Variants in GRM5 observed in about 807,000 individuals in gnomAD.
GRM5 encodes the protein glutamate metabotropic receptor 5, also known as metabotropic glutamate receptor 5.
Under a neutral mutation model 83.1 loss-of-function variants are expected in GRM5, and 19 were observed. The ratio of observed to expected loss-of-function variants is 0.23; its 90% CI spans 0.16 to 0.34. The LOEUF (loss-of-function observed/expected upper bound fraction) is 0.34. Ranked by LOEUF, GRM5 falls within the 10% of genes least tolerant of loss-of-function variation. The pLI is 1.00. For synonymous variants in GRM5, 675 were observed against 633.6 expected (o/e 1.07, Z -0.98); for missense variants, 1,160 against 1,588.3 (o/e 0.73, Z 4.58).
chr11:88,663,028 C>A (rs77145000), intron 3 of GRM5, among the ~76,000 whole-genome samples: 1 of 152,130 alleles, frequency 6.6e-6, no homozygotes, highest in African/African-American at 2.4e-5. Flanking sequence ...CTTTAAGCTT[C>A]TAATTTTGTT....
In GRM5 at chr11:88,702,900, G is replaced by A. The variant is rs955153096; in HGVS notation, c.912-49497C>T. Among the ~76,000 whole-genome samples the A allele has an allele frequency of 1.4e-4, 22 of 152,174 alleles. No individual in the cohort carries two copies. In the East Asian group the frequency reaches 3.3e-3, roughly 23 times the overall value. On this transcript the variant is annotated intron_variant, in intron 3 of 9. Coordinates refer to ENST00000305447, the MANE Select transcript of GRM5 (RefSeq NM_001143831.3). ...AGAGGCCTCAGAGGAAACTAACCCT[G>A]CTAACCAACTTGATCATAGACTTCT...
intron 2 of GRM5, among the ~76,000 whole-genome samples, chr11:89,024,526 A>C (rs762888593): frequency 6.6e-6 from 1 of 152,358 alleles, no homozygotes; most frequent in Middle Eastern, 3.4e-3. Flanking sequence ...TTTTCAATTG[A>C]GGTAGAGTTT....
chr11:88,769,297 G>A (rs1942682790), intron 3 of GRM5, among the ~76,000 whole-genome samples: 2 of 151,944 alleles, frequency 1.3e-5, no homozygotes, highest in African/African-American at 2.4e-5. Context: ...ACTTAATATA[G>A]ATATAGATCG....
chr11:88,938,271 T>A (rs1021654642), intron 2 of GRM5, among the ~76,000 whole-genome samples: 1 of 151,704 alleles, frequency 6.6e-6, no homozygotes, highest in African/African-American at 2.4e-5. Context: ...CCTTATCACA[T>A]TTTACTCCTC....
At chr11:88,593,645 T>C (rs1315111699) in intron 6 of GRM5, among the ~76,000 whole-genome samples, 1 of 146,518 alleles carries the variant, frequency 6.8e-6, no homozygotes, top group Non-Finnish European at 1.5e-5. Flanking sequence ...GCCACTGCAC[T>C]CCAGCCTGGA....
chr11:89,042,546 C>T (rs187844233), intron 2 of GRM5, among the ~76,000 whole-genome samples: 2 of 152,144 alleles, frequency 1.3e-5, no homozygotes, highest in African/African-American at 4.8e-5. Context: ...TTTATTATTA[C>T]CATGATCATC....
In GRM5 at chr11:88,567,256, A is replaced by G; in HGVS notation, c.2427T>C (p.Ser809=). The change falls in exon 8 of 10, where the codon AGT becomes AGC. Residue 809 remains serine, a synonymous_variant. Transcript: ENST00000305447. This position sits in a 1 kb window ranked among gnomAD's most constrained non-coding sequence, Gnocchi z 7.3. ...IITMCFSVSL[S]ATVALGCMFV... is the part of the protein sequence containing the mutation. ...ACATGCAGCCTAGGGCCACTGTGGC[A>G]CTGAGGCTGACCGAGAAACACATGG... 1 of 1,613,986 alleles carries G rather than the reference A, an allele frequency of 6.2e-7. No individual in the cohort carries two copies. Among genetic ancestry groups the G allele is most frequent in the South Asian group, 1.1e-5 (1 of 91,074 alleles).
chr11:88,880,976 C>T (rs1401001043), intron 2 of GRM5, among the ~76,000 whole-genome samples: 1 of 152,068 alleles, frequency 6.6e-6, no homozygotes, highest in Non-Finnish European at 1.5e-5. Flanking sequence ...GGACACAACA[C>T]TGACCCTAAA....
In GRM5 at chr11:88,508,813, C is replaced by T. The variant is rs760255529; in HGVS notation, c.3418G>A (p.Ala1140Thr). The T allele has an allele frequency of 6.5e-5, 99 of 1,525,250 alleles. 2 individuals carry two copies. In the Middle Eastern group the frequency reaches 8.6e-4, roughly 13 times the overall value. 94.5% of individuals were successfully genotyped at this position (1,525,250 alleles called of 1,614,324 possible). ...AAGAQAAGDA[A>T]RESPAAGPEA... Reference sequence around the variant, plus strand: ...GGACCGGCCGCGGGGCTCTCCCGGGCCGCGTCCCCAGCCGCCTGCGCCCCT... The same window carrying T: ...GGACCGGCCGCGGGGCTCTCCCGGGTCGCGTCCCCAGCCGCCTGCGCCCCT... The change falls in exon 10 of 10, where the codon GCC becomes ACC. Residue 1140 changes from alanine to threonine, a missense_variant. Transcript: ENST00000305447. The surrounding 1 kb of genome is among the most constrained non-coding windows in gnomAD (Gnocchi z 4.2).
chr11:88,690,487 T>TA (rs149147155), intron 3 of GRM5, among the ~76,000 whole-genome samples: 2,597 of 151,586 alleles, frequency 0.017, 72 homozygotes, highest in African/African-American at 0.059. Context: ...CTTTATTTTT[T>TA]AAAAAAAAAT....
Position 88,681,297 on chromosome 11 carries a change from C to T in GRM5, c.912-27894G>A, listed in dbSNP as rs1940479520. The stretch of plus-strand genomic sequence containing the variant: ...TGGAGCACATTTTATACTTCCATTC[C>T]TTTATTAATTCCTTGCCTTCTGAAA... On this transcript the variant is annotated intron_variant, in intron 3 of 9. Transcript: ENST00000305447. 2.0e-5 allele frequency among the ~76,000 whole-genome samples: 3 copies of T among 151,962 alleles called. No individual in the cohort carries two copies. The South Asian group carries it at 6.2e-4, about 32-fold the overall frequency.
rs565923939 is a variant in GRM5, at chr11:88,902,050, C to T, written c.662-51895G>A. Among the ~76,000 whole-genome samples the T allele has an allele frequency of 8.5e-5, 13 of 152,220 alleles. No homozygotes were observed. In the East Asian group the frequency reaches 9.7e-4, roughly 11 times the overall value. On this transcript the variant is annotated intron_variant, in intron 2 of 9. Coordinates refer to ENST00000305447, the MANE Select transcript of GRM5 (RefSeq NM_001143831.3). ...TTCTCTTTATTCTTTATGGTTTAGACGATCCCCTGAGAAGGTCCCAAAATG... is the reference window on the plus strand; with the variant it reads ...TTCTCTTTATTCTTTATGGTTTAGATGATCCCCTGAGAAGGTCCCAAAATG...
At chr11:88,756,196 T>C (rs909525827) in intron 3 of GRM5, among the ~76,000 whole-genome samples, 4 of 152,114 alleles carry the variant, frequency 2.6e-5, no homozygotes, top group South Asian at 2.1e-4. Context: ...TTCAATAAAA[T>C]TGCCATTTAG....
At chr11:88,661,117 T>A (rs1225209634) in intron 3 of GRM5, among the ~76,000 whole-genome samples, 1 of 152,210 alleles carries the variant, frequency 6.6e-6, no homozygotes, top group African/African-American at 2.4e-5. Flanking sequence ...TAAAGATAGC[T>A]ACATTTATTT....
intron 3 of GRM5, among the ~76,000 whole-genome samples, chr11:88,700,220 G>C (rs1334427058): frequency 3.9e-5 from 6 of 152,122 alleles, no homozygotes. Context: ...GGAGTGGCCA[G>C]GGTATGAAGA....
chr11:88,699,256 C>CCTAA (rs1345540506), intron 3 of GRM5, among the ~76,000 whole-genome samples: 1 of 152,126 alleles, frequency 6.6e-6, no homozygotes, highest in African/African-American at 2.4e-5. Flanking sequence ...AGGCTTTGAA[C>CCTAA]CTAACTTTTC....
intron 2 of GRM5, among the ~76,000 whole-genome samples, chr11:88,935,179 C>A (rs186767682): frequency 8.8e-4 from 133 of 152,000 alleles, no homozygotes; most frequent in African/African-American, 3.0e-3. Context: ...GATTTTTAGA[C>A]CCTGATTTTA....
At chr11:88,912,252 A>G (rs1945512830) in intron 2 of GRM5, among the ~76,000 whole-genome samples, 1 of 151,944 alleles carries the variant, frequency 6.6e-6, no homozygotes. Context: ...TAACTAAAAT[A>G]ATGATAATGC....
At chr11:88,676,164 A>C (rs912568993) in intron 3 of GRM5, among the ~76,000 whole-genome samples, 4 of 152,002 alleles carry the variant, frequency 2.6e-5, no homozygotes, top group Admixed American at 6.6e-5. Flanking sequence ...CTCTCAAACA[A>C]TTCAGTTTAT....
Sources: allele counts gnomAD v4.1 joint callset (sites outside exome capture counted in the v4.1 genomes callset), GRCh38; gene constraint gnomAD v4.1.1; non-coding constraint Gnocchi (gnomAD v3.1); transcripts MANE v1.5; gene names NCBI Gene and HGNC (gene_info 2026-07-23, HGNC 2026-07-21).